Variants in CARD19 observed in about 807,000 individuals in gnomAD.
CARD19 encodes caspase recruitment domain-containing protein 19.
Under a neutral mutation model 24.1 loss-of-function variants are expected in CARD19, and 25 were observed. The observed-to-expected ratio is 1.04, with a 90% CI of 0.76 to 1.45. The LOEUF (loss-of-function observed/expected upper bound fraction) is 1.45, where lower values mean the gene tolerates loss of function less well. CARD19 is among the 40% of genes most tolerant of loss of function. CARD19 has a pLI of 0.00. For synonymous variants in CARD19, 103 were observed against 104.9 expected, an observed-to-expected ratio of 0.98 and a Z score of 0.11; for missense variants, 241 against 247.4, an observed-to-expected ratio of 0.97 and a Z score of 0.17.
chr9:93,107,364 C>CAG (rs1321438276), intron 1 of CARD19, among the ~76,000 whole-genome samples: 1 of 152,266 alleles, frequency 6.6e-6, no homozygotes, highest in Admixed American at 6.5e-5. Context: ...GATGGCCCTG[C>CAG]AGGTGGCCCA....
intron 1 of CARD19, among the ~76,000 whole-genome samples, chr9:93,104,888 G>T (rs56164749): frequency 0.077 from 11,731 of 152,090 alleles, 536 homozygotes; most frequent in South Asian, 0.17. Context: ...TGTTATCAAA[G>T]AATCAACTTT....
chr9:93,106,085 C>T (rs544287675), intron 1 of CARD19, among the ~76,000 whole-genome samples: 1 of 152,034 alleles, frequency 6.6e-6, no homozygotes, highest in Non-Finnish European at 1.5e-5. Flanking sequence ...CTCTTCTAAT[C>T]GTTTTTGACT....
intron 2 of CARD19, among the ~76,000 whole-genome samples, chr9:93,109,559 C>G (rs1827384878): frequency 6.6e-6 from 1 of 151,936 alleles, no homozygotes; most frequent in African/African-American, 2.4e-5. Context: ...CTCTGCCTCC[C>G]AGTTTCAAGC....
chr9:93,111,958 C>T lies in CARD19; in HGVS notation c.364+20C>T, dbSNP rs756287723. On this transcript the variant is annotated intron_variant, in intron 4 of 5. Coordinates refer to ENST00000375464, the MANE Select transcript of CARD19 (RefSeq NM_032310.5). ...ACAGGGGTAACACCTCCCTGCTGCC[C>T]CTCCCTCTCTCTCCCTCTCTCTCCC... 5.0e-6 allele frequency: 8 copies of T among 1,605,710 alleles called. No individual in the cohort carries two copies. The highest frequency in any genetic ancestry group is 3.4e-5 in the Admixed American group (2 of 59,348).
chr9:93,097,847 C>T (rs1228872988), intron 1 of CARD19, among the ~76,000 whole-genome samples: 1 of 152,266 alleles, frequency 6.6e-6, no homozygotes, highest in African/African-American at 2.4e-5. Flanking sequence ...GTGTATGCTT[C>T]CTACCTGCTA....
Position 93,113,042 on chromosome 9 carries a change from A to G in CARD19, c.487A>G (p.Ile163Val), listed in dbSNP as rs758804829. The stretch of plus-strand genomic sequence containing the variant: ...GCGCGTCCTCGGTTTCTCGCCTGTC[A>G]TCATCGACAGACATGTCAGCCGCTA... Reference protein sequence around the residue: ...TRRVLGFSPVIIDRHVSRYLL... With the variant: ...TRRVLGFSPVVIDRHVSRYLL... Residue 163 changes from isoleucine to valine, a missense_variant, in exon 6 of 6, where the codon ATC (isoleucine) becomes GTC (valine). By Grantham distance (29) the Ile-to-Val change is conservative. Transcript: ENST00000375464. The G allele has an allele frequency of 6.2e-6, 10 of 1,608,522 alleles. No homozygotes were observed. The Admixed American group carries it at 6.7e-5, about 11-fold the overall frequency.
At chr9:93,098,477 C>A (rs1485359086) in intron 1 of CARD19, among the ~76,000 whole-genome samples, 1 of 152,158 alleles carries the variant, frequency 6.6e-6, no homozygotes, top group Non-Finnish European at 1.5e-5. Flanking sequence ...GGTCCATAGT[C>A]CTGGTGCCAG....
At chr9:93,103,257 G>A (rs901019192) in intron 1 of CARD19, among the ~76,000 whole-genome samples, 2 of 152,074 alleles carry the variant, frequency 1.3e-5, no homozygotes, top group Non-Finnish European at 2.9e-5. Flanking sequence ...TGTTAGCTGT[G>A]GGCTTTTCAT....
intron 1 of CARD19, among the ~76,000 whole-genome samples, chr9:93,103,171 AGAAGTG>A (rs1827144874): frequency 6.6e-6 from 1 of 152,156 alleles, no homozygotes; most frequent in South Asian, 2.1e-4. Context: ...TATGTTGAAT[AGAAGTG>A]GTAAGAGCAG....
chr9:93,110,469 C>T lies in CARD19; in HGVS notation c.151-99C>T, dbSNP rs1201936412. On this transcript the variant is annotated intron_variant, in intron 2 of 5. Coordinates refer to ENST00000375464, the MANE Select transcript of CARD19 (RefSeq NM_032310.5). ...ATCCAGCAGGTGTCCTGACACCCAA[C>T]AGGGAAGCTGAGGCTGGGGGCCTGA... The T allele has an allele frequency of 3.3e-6, 5 of 1,506,018 alleles. No individual in the cohort carries two copies. The East Asian group carries it at 6.8e-5, about 21-fold the overall frequency. 93.3% of individuals were successfully genotyped at this position (1,506,018 alleles called of 1,614,324 possible). A position where few individuals can be genotyped will look rare whatever the true frequency, so the allele number is the denominator to read the frequency against.
chr9:93,111,762 C>A, intron 3 of CARD19, 117 bp from the exon 4 acceptor site: 2 of 1,509,458 alleles, frequency 1.3e-6, no homozygotes, highest in South Asian at 1.3e-5. Flanking sequence ...GGTGCCACAG[C>A]CTGGTTCGGC....
At chr9:93,103,856 T>C (rs1406860819) in intron 1 of CARD19, among the ~76,000 whole-genome samples, 1 of 152,206 alleles carries the variant, frequency 6.6e-6, no homozygotes. Flanking sequence ...CTTTTATAAT[T>C]GGCATTAATC....
intron 1 of CARD19, among the ~76,000 whole-genome samples, chr9:93,098,886 T>C (rs1340721645): frequency 1.4e-5 from 2 of 145,602 alleles, no homozygotes; most frequent in East Asian, 4.0e-4. Flanking sequence ...TCTTGGACCA[T>C]ACATTGCAGA....
chr9:93,098,051 G>A (rs1222449646), intron 1 of CARD19, among the ~76,000 whole-genome samples: 3 of 152,252 alleles, frequency 2.0e-5, no homozygotes, highest in Non-Finnish European at 4.4e-5. Context: ...TGTGAGCAGC[G>A]CATGTGAGCC....
intron 1 of CARD19, among the ~76,000 whole-genome samples, chr9:93,103,302 T>G (rs1291906194): frequency 6.6e-6 from 1 of 152,194 alleles, no homozygotes; most frequent in African/African-American, 2.4e-5. Context: ...GGTGGGATGG[T>G]TCCAGGAATC....
At chr9:93,100,301 G>T (rs1827030217) in intron 1 of CARD19, among the ~76,000 whole-genome samples, 2 of 152,214 alleles carry the variant, frequency 1.3e-5, no homozygotes, top group Non-Finnish European at 2.9e-5. Flanking sequence ...TGATGACACT[G>T]TTTTTGTTTT....
At chr9:93,106,999 A>AG (rs1220225673) in intron 1 of CARD19, among the ~76,000 whole-genome samples, 1 of 127,328 alleles carries the variant, frequency 7.9e-6, no homozygotes, top group South Asian at 3.0e-4. Flanking sequence ...GTGATTCTGG[A>AG]AAAAAAAAAG....
chr9:93,097,866 C>G (rs1335839213), intron 1 of CARD19, among the ~76,000 whole-genome samples: 1 of 152,262 alleles, frequency 6.6e-6, no homozygotes, highest in African/African-American at 2.4e-5. Flanking sequence ...TATGTCTACT[C>G]ACTGGGCCTG....
At chr9:93,112,394 T>A in intron 5 of CARD19, 105 bp downstream of exon 5, 1 of 909,428 alleles carries the variant, frequency 1.1e-6, no homozygotes, top group Non-Finnish European at 1.7e-6. Flanking sequence ...TCTTCGTACC[T>A]CGGTGTCCAC....
Sources: gnomAD v4.1 joint callset for allele counts (sites outside exome capture counted in the v4.1 genomes callset) on GRCh38, gnomAD v4.1.1 for gene constraint, MANE v1.5 for transcripts, NCBI Gene and HGNC (gene_info 2026-07-23, HGNC 2026-07-21) for gene names.